The following NOL4 variants were observed in gnomAD, a reference collection of about 807,000 sequenced individuals.
NOL4 encodes the protein cancer/testis antigen 125.
NOL4 carries 17 observed loss-of-function variants against 75.9 expected under a neutral mutation model. The ratio of observed to expected loss-of-function variants is 0.22; its 90% CI spans 0.15 to 0.34. The LOEUF (loss-of-function observed/expected upper bound fraction) is 0.34, where lower values mean the gene tolerates loss of function less well. NOL4 is among the 10% of genes least tolerant of loss of function. NOL4 has a pLI of 1.00. For synonymous variants in NOL4, 292 were observed against 289.9 expected (o/e 1.01, Z -0.07); for missense variants, 614 against 793.5 (o/e 0.77, Z 2.72).
intron 1 of NOL4, among the ~76,000 whole-genome samples, chr18:34,192,797 G>A (rs747235436): frequency 1.3e-5 from 2 of 152,150 alleles, no homozygotes; most frequent in Non-Finnish European, 2.9e-5. Flanking sequence ...AGGTCATGAG[G>A]GCTGTGCCCT....
chr18:34,176,755 T>C (rs1416232494), intron 1 of NOL4, among the ~76,000 whole-genome samples: 1 of 152,090 alleles, frequency 6.6e-6, no homozygotes, highest in Non-Finnish European at 1.5e-5. Context: ...GAGCTGACAA[T>C]ACCGTCACCT....
chr18:33,861,167 T>C (rs960894136), intron 10 of NOL4, among the ~76,000 whole-genome samples: 1 of 152,102 alleles, frequency 6.6e-6, no homozygotes, highest in Admixed American at 6.6e-5. Context: ...TTAGGGAGGA[T>C]TCCTTCTTTT....
At chr18:34,110,128 C>CAAAAAAAA (rs57576599) in intron 2 of NOL4, among the ~76,000 whole-genome samples, 12 of 47,860 alleles carry the variant, frequency 2.5e-4, no homozygotes, top group Non-Finnish European at 4.5e-4. Context: ...CGCCCTCCCA[C>CAAAAAAAA]AAAAAAAAAA....
chr18:34,129,588 TATATA>T (rs1043129104), intron 2 of NOL4, among the ~76,000 whole-genome samples: 3 of 151,380 alleles, frequency 2.0e-5, no homozygotes, highest in Non-Finnish European at 3.0e-5. Context: ...CATAATATAA[TATATA>T]ATATATGTCC....
chr18:33,918,316 T>G (rs866112125), intron 9 of NOL4, among the ~76,000 whole-genome samples: 1 of 152,220 alleles, frequency 6.6e-6, no homozygotes, highest in East Asian at 1.9e-4. Context: ...GTACCTTAAT[T>G]CAGTGGTTGG....
At chr18:33,898,856 T>C (rs1187177464) in intron 9 of NOL4, among the ~76,000 whole-genome samples, 1 of 152,140 alleles carries the variant, frequency 6.6e-6, no homozygotes, top group East Asian at 1.9e-4. Flanking sequence ...GAAAACAATC[T>C]TGCCAGCCAC....
intron 5 of NOL4, among the ~76,000 whole-genome samples, chr18:34,021,319 C>G (rs191364668): frequency 1.3e-5 from 2 of 152,226 alleles, no homozygotes; most frequent in East Asian, 1.9e-4. Flanking sequence ...GGTGAGTGAG[C>G]CTTAACCAGG....
chr18:33,977,648 A>G (rs977311544), intron 6 of NOL4, among the ~76,000 whole-genome samples: 1 of 152,132 alleles, frequency 6.6e-6, no homozygotes, highest in African/African-American at 2.4e-5. Context: ...ATCCATACCT[A>G]CTATGTTATC....
chr18:33,926,501 A>T (rs1021989978), intron 9 of NOL4, among the ~76,000 whole-genome samples: 1 of 152,094 alleles, frequency 6.6e-6, no homozygotes, highest in East Asian at 1.9e-4. Context: ...TCCATGCTAC[A>T]TATGTAGCAA....
intron 6 of NOL4, among the ~76,000 whole-genome samples, chr18:33,999,828 T>C (rs1213012206): frequency 1.3e-5 from 2 of 151,946 alleles, no homozygotes; most frequent in Admixed American, 6.6e-5. Context: ...ATTGTTGTAT[T>C]TTTTTAGTAG....
chr18:34,179,614 T>C (rs2146321028), intron 1 of NOL4, among the ~76,000 whole-genome samples: 1 of 151,808 alleles, frequency 6.6e-6, no homozygotes, highest in East Asian at 1.9e-4. Flanking sequence ...ATATGTTTAA[T>C]AATGAACAAA....
rs1203390347 is a variant in NOL4, at chr18:33,884,208, T to C, written c.1543-784A>G. On this transcript the variant is annotated intron_variant, in intron 9 of 10. Coordinates refer to ENST00000261592, the MANE Select transcript of NOL4 (RefSeq NM_003787.5). ...AAAGTTGGGTTCTTGAAATCCATTT[T>C]GCATCCTTTTATCTTCCTTTCTCTC... Among the ~76,000 whole-genome samples, 4 of 152,126 alleles carry C rather than the reference T, an allele frequency of 2.6e-5. No homozygotes were observed. In the East Asian group the frequency reaches 5.8e-4, roughly 22 times the overall value.
intron 8 of NOL4, 106 bp downstream of exon 8, chr18:33,957,220 T>A: frequency 1.1e-6 from 1 of 924,388 alleles, no homozygotes; most frequent in Non-Finnish European, 1.6e-6. Context: ...GACCTGACAT[T>A]ATGGAAAAAA....
chr18:33,950,726 G>T (rs2069160060), intron 8 of NOL4, among the ~76,000 whole-genome samples: 1 of 152,140 alleles, frequency 6.6e-6, no homozygotes. Context: ...AAGAAAGAGA[G>T]ATTTGAGGCT....
chr18:34,096,607 T>C (rs184068853), intron 4 of NOL4, among the ~76,000 whole-genome samples: 45 of 152,102 alleles, frequency 3.0e-4, no homozygotes, highest in African/African-American at 1.1e-3. Context: ...TTCATCTAAT[T>C]CCTTTCCTCT....
At chr18:33,973,079 A>G (rs1274406077) in intron 6 of NOL4, among the ~76,000 whole-genome samples, 1 of 152,244 alleles carries the variant, frequency 6.6e-6, no homozygotes, top group Admixed American at 6.5e-5. Flanking sequence ...TTCTTTCAAA[A>G]TAAGAGTCAA....
intron 1 of NOL4, among the ~76,000 whole-genome samples, chr18:34,206,835 A>G (rs2036154160): frequency 6.6e-6 from 1 of 151,896 alleles, no homozygotes; most frequent in South Asian, 2.1e-4. Flanking sequence ...TCCTTCTATG[A>G]TTCCACTGGC....
chr18:33,962,797 GTTA>G (rs1210055456), intron 6 of NOL4, among the ~76,000 whole-genome samples: 1 of 152,058 alleles, frequency 6.6e-6, no homozygotes, highest in African/African-American at 2.4e-5. Context: ...TTACAATATG[GTTA>G]TTTGAATGCA....
At chr18:34,037,210 C>G (rs1177694920) in intron 5 of NOL4, among the ~76,000 whole-genome samples, 1 of 151,872 alleles carries the variant, frequency 6.6e-6, no homozygotes, top group Non-Finnish European at 1.5e-5. Flanking sequence ...TAAACTTAAC[C>G]AAGGAAGTGA....
Sources: gnomAD v4.1 joint callset for allele counts (sites outside exome capture counted in the v4.1 genomes callset) on GRCh38, gnomAD v4.1.1 for gene constraint, MANE v1.5 for transcripts, NCBI Gene and HGNC (gene_info 2026-07-23, HGNC 2026-07-21) for gene names.